TMLHE: variants seen among roughly 807,000 people sequenced by gnomAD.
TMLHE encodes the protein trimethyllysine dioxygenase, mitochondrial.
A neutral mutation model predicts 25.7 loss-of-function variants in TMLHE; 18 were observed. The ratio of observed to expected loss-of-function variants is 0.70; its 90% confidence interval spans 0.48 to 1.04. The LOEUF is 1.04. Among genes scored for constraint, TMLHE ranks in the 50% least tolerant of loss-of-function variants. TMLHE has a pLI of 0.00. For missense variants in TMLHE, 236 were observed against 259.0 expected (o/e 0.91, Z 0.61); for synonymous variants, 105 against 97.0 (o/e 1.08, Z -0.49).
intron 1 of TMLHE, among the ~76,000 whole-genome samples, chrX:155,585,452 C>CAT (rs1185357565): frequency 6.9e-4 from 61 of 87,777 alleles, no homozygotes; most frequent in Non-Finnish European, 1.1e-3. Context: ...CACACACACA[C>CAT]ATATATATAT....
At chrX:155,586,398 A>C (rs1557345312) in intron 1 of TMLHE, among the ~76,000 whole-genome samples, 1 of 111,780 alleles carries the variant, frequency 8.9e-6, no homozygotes, top group Non-Finnish European at 1.9e-5. Context: ...AGTTTATAGC[A>C]ATAAATGGCT....
chrX:155,550,713 G>A (rs1313403654), intron 1 of TMLHE, among the ~76,000 whole-genome samples: 2 of 110,661 alleles, frequency 1.8e-5, no homozygotes, highest in South Asian at 3.8e-4. Flanking sequence ...CAGACAAGTG[G>A]TTTCTCAATC....
intron 1 of TMLHE, among the ~76,000 whole-genome samples, chrX:155,578,685 G>T (rs1441193596): frequency 4.5e-5 from 5 of 111,312 alleles, no homozygotes; most frequent in Non-Finnish European, 9.4e-5. Flanking sequence ...CATTGTCACT[G>T]CTGACATCTG....
At chrX:155,592,022 G>C (rs1309361979) in intron 1 of TMLHE, among the ~76,000 whole-genome samples, 1 of 111,961 alleles carries the variant, frequency 8.9e-6, no homozygotes, top group African/African-American at 3.2e-5. Context: ...CCTTAAGAAA[G>C]AGGAAAATCT....
intron 3 of TMLHE, among the ~76,000 whole-genome samples, chrX:155,514,896 C>A (rs782229790): frequency 1.3e-4 from 15 of 111,314 alleles, no homozygotes; most frequent in Non-Finnish European, 2.5e-4. Flanking sequence ...TGTGCACACC[C>A]CACCCAAAAA....
At position 155,572,930 on chromosome X, in the gene TMLHE, G is replaced by A. The variant is rs1230766613; in HGVS notation, c.-1-27653C>T. ...CCATTCAGGACATAGGCATGGGCAC[G>A]GACTTCATGTCTAAAACACCAAAAG... On this transcript the variant is annotated intron_variant, in intron 1 of 7. Transcript: ENST00000334398. Among the ~76,000 whole-genome samples, 3 of 57,418 alleles carry A rather than the reference G, an allele frequency of 5.2e-5. 1 individual carries two copies. The highest frequency in any genetic ancestry group is 1.4e-4 in the Non-Finnish European group (3 of 21,912). The allele number at this position is 57,418 out of a possible 115,157, so 49.9% of individuals were successfully genotyped here. A position where few individuals can be genotyped will look rare whatever the true frequency, so the allele number is the denominator to read the frequency against.
intron 1 of TMLHE, among the ~76,000 whole-genome samples, chrX:155,546,514 C>G (rs1293814942): frequency 2.7e-5 from 3 of 110,253 alleles, no homozygotes; most frequent in Non-Finnish European, 5.7e-5. Context: ...TGGTGAGTGC[C>G]TGTGTGTGTG....
At chrX:155,548,529 T>TTTGGGACCAGCTTGGCCAAC (rs1216971936) in intron 1 of TMLHE, among the ~76,000 whole-genome samples, 2 of 107,598 alleles carry the variant, frequency 1.9e-5, no homozygotes, top group African/African-American at 3.6e-5. Context: ...AGGTCAGCAG[T>TTTGGGACCAGCTTGGCCAAC]ATGAGGCCAG....
chrX:155,545,851 T>C (rs1324034283), intron 1 of TMLHE, among the ~76,000 whole-genome samples: 1 of 111,361 alleles, frequency 9.0e-6, no homozygotes, highest in Non-Finnish European at 1.9e-5. Flanking sequence ...CTATACCATC[T>C]GGGTTTGTTA....
intron 1 of TMLHE, among the ~76,000 whole-genome samples, chrX:155,600,552 AC>A (rs1462566870): frequency 2.7e-5 from 3 of 112,154 alleles, no homozygotes; most frequent in Non-Finnish European, 3.8e-5. Context: ...GAACCAATCA[AC>A]TGGGAACGAC....
chrX:155,610,806 G>A (rs1471424294), intron 1 of TMLHE, among the ~76,000 whole-genome samples: 1 of 110,681 alleles, frequency 9.0e-6, no homozygotes, highest in East Asian at 2.8e-4. Context: ...GATATAGGGA[G>A]TGGGGAAAGG....
chrX:155,585,450 C>T (rs868960908), intron 1 of TMLHE, among the ~76,000 whole-genome samples: 1 of 94,284 alleles, frequency 1.1e-5, no homozygotes, highest in Admixed American at 1.2e-4. Context: ...CACACACACA[C>T]ACATATATAT....
intron 1 of TMLHE, among the ~76,000 whole-genome samples, chrX:155,587,362 C>A (rs1557345418): frequency 9.0e-6 from 1 of 111,273 alleles, no homozygotes; most frequent in African/African-American, 3.3e-5. Context: ...AAGGAATATA[C>A]CTCAAAAACA....
At chrX:155,586,169 G>C (rs1225229396) in intron 1 of TMLHE, among the ~76,000 whole-genome samples, 1 of 108,136 alleles carries the variant, frequency 9.2e-6, no homozygotes, top group African/African-American at 3.4e-5. Flanking sequence ...AGAGGTTGCA[G>C]TGAGTGAGAT....
At chrX:155,549,842 A>G (rs2067401721) in intron 1 of TMLHE, among the ~76,000 whole-genome samples, 5 of 109,810 alleles carry the variant, frequency 4.6e-5, no homozygotes, top group African/African-American at 1.7e-4. Context: ...CGTCACCTAC[A>G]CTAGGTATTT....
At chrX:155,537,558 C>A (rs2067286181) in intron 2 of TMLHE, among the ~76,000 whole-genome samples, 1 of 111,045 alleles carries the variant, frequency 9.0e-6, no homozygotes, top group Admixed American at 9.6e-5. Flanking sequence ...TCCTTCAACC[C>A]CATAAAGAGC....
intron 1 of TMLHE, among the ~76,000 whole-genome samples, chrX:155,592,595 C>A (rs905440487): frequency 8.9e-6 from 1 of 112,000 alleles, no homozygotes; most frequent in African/African-American, 3.2e-5. Flanking sequence ...CAGAGGCAGA[C>A]AACTAGATTT....
At position 155,500,259 on chromosome X, in the gene TMLHE, C is replaced by G. The variant is rs868909235; in HGVS notation, c.995+6639G>C. ...ACAAAGGGCTAATATCCAGAATCTA[C>G]AATGAACTCAAACAAATTTACAAGA... On this transcript the variant is annotated intron_variant, in intron 6 of 7. Coordinates refer to ENST00000334398, the MANE Select transcript of TMLHE (RefSeq NM_018196.4). Among the ~76,000 whole-genome samples, 435 of 102,282 alleles carry G rather than the reference C, an allele frequency of 4.3e-3. 3 individuals are homozygous for G. Among genetic ancestry groups the G allele is most frequent in the African/African-American group, 0.014 (355 of 25,659 alleles). 88.8% of individuals were successfully genotyped at this position (102,282 alleles called of 115,157 possible).
At chrX:155,522,170 T>A (rs889515239) in intron 3 of TMLHE, among the ~76,000 whole-genome samples, 1 of 112,764 alleles carries the variant, frequency 8.9e-6, no homozygotes. Flanking sequence ...ATGGCATTTT[T>A]TTTCTATTGT....
Sources: allele counts gnomAD v4.1 joint callset (sites outside exome capture counted in the v4.1 genomes callset), GRCh38; gene constraint gnomAD v4.1.1; transcripts MANE v1.5; gene names NCBI Gene and HGNC (gene_info 2026-07-23, HGNC 2026-07-21).